Variants in TMEM248 observed in about 807,000 individuals in gnomAD.
TMEM248 encodes the protein transmembrane protein 248.
Under a neutral mutation model 30.3 loss-of-function variants are expected in TMEM248, and 9 were observed. The observed-to-expected ratio is 0.30, with a 90% confidence interval of 0.18 to 0.52. The LOEUF is 0.52. TMEM248 is among the 20% of genes least tolerant of loss of function. TMEM248 has a pLI of 0.97. For missense variants in TMEM248, 338 were observed against 403.3 expected, an observed-to-expected ratio of 0.84 and a Z score of 1.39; for synonymous variants, 184 against 154.4, an observed-to-expected ratio of 1.19 and a Z score of -1.42.
Position 66,924,990 on chromosome 7 carries a change from T to A in TMEM248, c.-19+3529T>A, listed in dbSNP as rs934183509. ...TCTCAAAGTGCTGGGATTACAGGCG[T>A]GAGCCACCAGCCCCGGCCCTATTTT... On this transcript the variant is annotated intron_variant, in intron 1 of 6. Transcript: ENST00000341567. 2.0e-5 allele frequency among the ~76,000 whole-genome samples: 3 copies of A among 152,104 alleles called. No individual in the cohort carries two copies. The South Asian group carries it at 6.2e-4, about 32-fold the overall frequency.
intron 3 of TMEM248, among the ~76,000 whole-genome samples, chr7:66,948,263 C>G (rs1792164172): frequency 6.6e-6 from 1 of 152,158 alleles, no homozygotes; most frequent in Non-Finnish European, 1.5e-5. Flanking sequence ...GGATAATTCA[C>G]CCAGCCCGAG....
In TMEM248 at chr7:66,956,159, G is replaced by A. The variant is rs989092414; in HGVS notation, c.*637G>A. On this transcript the variant is annotated 3_prime_UTR_variant, in exon 7 of 7. Transcript: ENST00000341567. ...ATAGTCACATTTTAATACTACTCTAGTTAGGACAGACTTGTGCTTTTATCC... is the reference window on the plus strand; with the variant it reads ...ATAGTCACATTTTAATACTACTCTAATTAGGACAGACTTGTGCTTTTATCC... 6.6e-6 allele frequency: 1 copy of A among 151,980 alleles called. No homozygotes were observed. The highest frequency in any genetic ancestry group is 2.4e-5 in the African/African-American group (1 of 41,306). 9.4% of individuals were successfully genotyped at this position (151,980 alleles called of 1,614,324 possible).
At chr7:66,923,687 T>C (rs1024798567) in intron 1 of TMEM248, among the ~76,000 whole-genome samples, 1 of 152,082 alleles carries the variant, frequency 6.6e-6, no homozygotes, top group African/African-American at 2.4e-5. Flanking sequence ...TTTTTTTGTT[T>C]TTGTTTTCTT....
rs760112171 is a variant in TMEM248 at position 66,948,672 on chromosome 7, C to T, written c.574C>T (p.Pro192Ser). Reference sequence around the variant, plus strand: ...AGCCTGCATGACCCTCACGGCCAGCCCTGGGGTGTTCCCCGTCACTGTGTA... The same window carrying T: ...AGCCTGCATGACCCTCACGGCCAGCTCTGGGGTGTTCCCCGTCACTGTGTA... ...FTACMTLTAS[P>S]GVFPVTVQPP... Residue 192 changes from proline to serine, a missense_variant, in exon 4 of 7, where the codon CCT becomes TCT. Transcript: ENST00000341567. 1.2e-6 allele frequency: 2 copies of T among 1,612,194 alleles called. No homozygotes were observed. The highest frequency in any genetic ancestry group is 1.7e-6 in the Non-Finnish European group (2 of 1,178,466).
Position 66,951,095 on chromosome 7 carries a change from A to G in TMEM248, c.740A>G (p.Tyr247Cys), listed in dbSNP as rs1792256176. The G allele has an allele frequency of 6.2e-7, 1 of 1,605,436 alleles. No homozygotes were observed. Residue 247 changes from tyrosine to cysteine, a missense_variant, in exon 5 of 7, where the codon TAT becomes TGT. Tyr to Cys is a radical substitution (Grantham distance 194, BLOSUM62 -2). Transcript: ENST00000341567. ...WCYKGAIGKV[Y>C]HALNPKLTVI... ...TATAAGGGGGCCATTGGAAAAGTCT[A>G]TCATGCTTTAAATCCCAAGCTTACA...
Position 66,945,190 on chromosome 7 carries a change from C to T in TMEM248, c.374C>T (p.Pro125Leu). 1 of 1,614,176 alleles carries T rather than the reference C, an allele frequency of 6.2e-7. No homozygotes were observed. ...ACCCTAACCCTGGACCCACTGAAAC[C>T]CTTCGGAGGGTATTCCCGCAACGTC... ...SITLTLDPLK[P>L]FGGYSRNVTH... Residue 125 changes from proline to leucine, a missense_variant, in exon 3 of 7, where the codon CCC becomes CTC. By Grantham distance (98) the Pro-to-Leu change is moderately conservative (BLOSUM62 -3). Transcript: ENST00000341567.
rs1792405672 is a variant in TMEM248 at position 66,956,464 on chromosome 7, A to G, written c.*942A>G. On this transcript the variant is annotated 3_prime_UTR_variant, in exon 7 of 7. Transcript: ENST00000341567. ...GAAAGAAAGAATAATGATTCTATCT[A>G]ATAGGAAAGGATTTCTTCTTTCTTT... is the stretch of plus-strand genomic sequence containing the variant. The G allele has an allele frequency of 6.6e-6, 1 of 151,736 alleles. No homozygotes were observed. Among genetic ancestry groups the G allele is most frequent in the Non-Finnish European group, 1.5e-5 (1 of 68,036 alleles). 9.4% of individuals were successfully genotyped at this position (151,736 alleles called of 1,614,324 possible).
intron 2 of TMEM248, among the ~76,000 whole-genome samples, chr7:66,944,679 T>C (rs111250455): frequency 1.3e-5 from 2 of 152,238 alleles, no homozygotes; most frequent in Non-Finnish European, 2.9e-5. Context: ...AAGTGTAATA[T>C]GCTGGATTTT....
chr7:66,928,073 G>A (rs932139275), intron 1 of TMEM248, among the ~76,000 whole-genome samples: 1 of 152,090 alleles, frequency 6.6e-6, no homozygotes, highest in Non-Finnish European at 1.5e-5. Context: ...AAATTAGCTA[G>A]GCCTGCTGGT....
intron 1 of TMEM248, among the ~76,000 whole-genome samples, chr7:66,923,909 G>A (rs1192148539): frequency 6.6e-6 from 1 of 152,058 alleles, no homozygotes; most frequent in Non-Finnish European, 1.5e-5. Flanking sequence ...CAAGTGATCC[G>A]CCTGCCTCAG....
At chr7:66,929,200 G>A (rs1200987622) in intron 1 of TMEM248, among the ~76,000 whole-genome samples, 1 of 152,160 alleles carries the variant, frequency 6.6e-6, no homozygotes, top group East Asian at 1.9e-4. Flanking sequence ...CACTTCCCGT[G>A]TGATCATGGG....
intron 1 of TMEM248, among the ~76,000 whole-genome samples, chr7:66,940,484 C>T (rs549259740): frequency 5.9e-5 from 9 of 152,290 alleles, no homozygotes; most frequent in East Asian, 5.8e-4. Context: ...TAGCAGACAA[C>T]GTTGTTTGTT....
At chr7:66,954,464 CTCAA>C (rs1056595959) in intron 6 of TMEM248, among the ~76,000 whole-genome samples, 14 of 147,270 alleles carry the variant, frequency 9.5e-5, no homozygotes, top group African/African-American at 3.0e-4. Flanking sequence ...TAGCTCATGA[CTCAA>C]TCATAGTTCA....
rs62466576 is a variant in TMEM248, at chr7:66,941,483, A to G, written c.-18-365A>G. Among the ~76,000 whole-genome samples the G allele has an allele frequency of 9.8e-3, 1,478 of 151,478 alleles. 9 individuals carry two copies. Among genetic ancestry groups the G allele is most frequent in the Non-Finnish European group, 0.014 (955 of 67,862 alleles). On this transcript the variant is annotated intron_variant, in intron 1 of 6. Coordinates refer to ENST00000341567, the MANE Select transcript of TMEM248 (RefSeq NM_017994.5). ...GGTGGGAGGATAGCTTAAGCCTAGG[A>G]GTTCAAGGCTGCCGTGAGCTATGAT... is the stretch of plus-strand genomic sequence containing the variant.
At chr7:66,941,719 A>G (rs1471066794) in intron 1 of TMEM248, 129 bp from the exon 2 acceptor site, 1 of 689,222 alleles carries the variant, frequency 1.5e-6, no homozygotes, top group Non-Finnish European at 2.4e-6. Context: ...ATGATCCGAC[A>G]TTTCTCAAAT....
At position 66,945,272 on chromosome 7, in the gene TMEM248, G is replaced by A; in HGVS notation, c.445+11G>A. 6.2e-7 allele frequency: 1 copy of A among 1,609,456 alleles called. No homozygotes were observed. The highest frequency in any genetic ancestry group is 8.5e-7 in the Non-Finnish European group (1 of 1,176,060). ...AGATTGGACTTTCAGGTATGCAGTA[G>A]CCACTCTCCACTCAGGCTCCTTAGG... On this transcript the variant is annotated intron_variant, in intron 3 of 6. Coordinates refer to ENST00000341567, the MANE Select transcript of TMEM248 (RefSeq NM_017994.5).
intron 1 of TMEM248, among the ~76,000 whole-genome samples, chr7:66,931,184 T>G (rs1026764939): frequency 6.6e-6 from 1 of 151,516 alleles, no homozygotes; most frequent in African/African-American, 2.4e-5. Context: ...GCACCTGTAG[T>G]CTCAGCTATT....
chr7:66,957,321 G>A lies in TMEM248; in HGVS notation c.*1799G>A, dbSNP rs185786486. On this transcript the variant is annotated 3_prime_UTR_variant, in exon 7 of 7. Coordinates refer to ENST00000341567, the MANE Select transcript of TMEM248 (RefSeq NM_017994.5). ...GCATTTTTGAATAGAAAACAGTTGC[G>A]TGCTTTTATTGAAGATTGTTAAAAT... 23 of 152,296 alleles carry A rather than the reference G, an allele frequency of 1.5e-4. No homozygotes were observed. Among genetic ancestry groups the A allele is most frequent in the Admixed American group, 7.2e-4 (11 of 15,282 alleles). The allele number at this position is 152,296 out of a possible 1,614,324, so 9.4% of individuals were successfully genotyped here.
At position 66,957,402 on chromosome 7, in the gene TMEM248, C is replaced by T. The variant is rs1370586835; in HGVS notation, c.*1880C>T. On this transcript the variant is annotated 3_prime_UTR_variant, in exon 7 of 7. Transcript: ENST00000341567. ...TTTTCTTTTTCCTTTTAGTATGTTT[C>T]AAGTGCAGTAATCGTACTTGTCTAT... 6.6e-6 allele frequency: 1 copy of T among 152,156 alleles called. No homozygotes were observed. The highest frequency in any genetic ancestry group is 1.9e-4 in the East Asian group (1 of 5,202). The allele number at this position is 152,156 out of a possible 1,614,324, so 9.4% of individuals were successfully genotyped here. A position where few individuals can be genotyped will look rare whatever the true frequency, so the allele number is the denominator to read the frequency against.
Sources: gnomAD v4.1 joint callset for allele counts (sites outside exome capture counted in the v4.1 genomes callset) on GRCh38, gnomAD v4.1.1 for gene constraint, MANE v1.5 for transcripts, NCBI Gene and HGNC (gene_info 2026-07-23, HGNC 2026-07-21) for gene names.